The following HSPA4 variants were observed in gnomAD, a reference collection of about 807,000 sequenced individuals.
HSPA4 encodes heat shock 70 kDa protein 4.
In HSPA4, 25 loss-of-function variants were observed where a neutral mutation model predicts 106.2. The observed-to-expected ratio is 0.24, with a 90% CI of 0.17 to 0.33. The LOEUF is 0.33. Ranked by LOEUF, HSPA4 falls within the 10% of genes least tolerant of loss-of-function variation. The probability of loss-of-function intolerance (pLI) is 1.00; values close to 1 mark genes in which losing one functional copy is unlikely to be tolerated. For missense variants in HSPA4, 841 were observed against 996.0 expected (o/e 0.84, Z 2.10); for synonymous variants, 332 against 333.6 (o/e 1.00, Z 0.05).
intron 7 of HSPA4, among the ~76,000 whole-genome samples, chr5:133,083,548 A>AT (rs1025499251): frequency 1.3e-5 from 2 of 151,740 alleles, no homozygotes; most frequent in East Asian, 3.9e-4. Flanking sequence ...TATTATTATT[A>AT]TTTTTTGAGA....
At chr5:133,094,309 TAA>T (rs1037677671) in intron 13 of HSPA4, among the ~76,000 whole-genome samples, 4 of 152,220 alleles carry the variant, frequency 2.6e-5, no homozygotes, top group Non-Finnish European at 5.9e-5. Flanking sequence ...TTTCTAATTT[TAA>T]AAAGTTTCTA....
intron 7 of HSPA4, among the ~76,000 whole-genome samples, chr5:133,082,706 C>A (rs1039795254): frequency 1.3e-5 from 2 of 152,174 alleles, no homozygotes; most frequent in East Asian, 3.9e-4. Flanking sequence ...GCTCGGCCAC[C>A]CTCCTCAGAC....
chr5:133,091,580 T>G (rs984696439), intron 12 of HSPA4, among the ~76,000 whole-genome samples: 8 of 152,220 alleles, frequency 5.3e-5, no homozygotes, highest in Non-Finnish European at 7.3e-5. Context: ...ACAAGTTGAT[T>G]TCTTCTTTCA....
chr5:133,070,407 A>T lies in HSPA4; in HGVS notation c.340A>T (p.Thr114Ser). ...TYMEEERNFT[T>S]EQVTAMLLSK... ...TATGGAGGAAGAGCGAAATTTTACCACTGAGCAAGTGACTGCCATGCTTTT... is the reference window on the plus strand; with the variant it reads ...TATGGAGGAAGAGCGAAATTTTACCTCTGAGCAAGTGACTGCCATGCTTTT... The change falls in exon 4 of 19, where the codon ACT becomes TCT. Residue 114 changes from threonine (T) to serine (S), a missense_variant. Thr to Ser is a moderately conservative substitution (Grantham distance 58, BLOSUM62 1). This residue lies in a region of HSPA4 where 347 missense variants were observed against 408.7 expected (regional missense o/e 0.85). Transcript: ENST00000304858. 1 of 1,611,548 alleles carries T rather than the reference A, an allele frequency of 6.2e-7. No homozygotes were observed. The highest frequency in any genetic ancestry group is 8.5e-7 in the Non-Finnish European group (1 of 1,179,314).
Position 133,092,804 on chromosome 5 carries a change from GTGTT to G in HSPA4, c.1650+17_1650+20del. On this transcript the variant is annotated intron_variant, in intron 13 of 18. Transcript: ENST00000304858. ...AAGAAATGGAGGTATGCATTGGGTG[GTGTT>G]TTTTTTTTTTTTTTTTTTTTTTTTT... 30 of 717,680 alleles carry G rather than the reference GTGTT, an allele frequency of 4.2e-5. No homozygotes were observed. The highest frequency in any genetic ancestry group is 6.9e-5 in the East Asian group (2 of 29,056). The allele number at this position is 717,680 out of a possible 1,614,324, so 44.5% of individuals were successfully genotyped here.
intron 3 of HSPA4, among the ~76,000 whole-genome samples, chr5:133,068,317 GTC>G (rs1334867884): frequency 6.6e-6 from 1 of 152,142 alleles, no homozygotes; most frequent in African/African-American, 2.4e-5. Context: ...ATCTAGTGGA[GTC>G]TCTGTGAAGT....
intron 1 of HSPA4, chr5:133,053,034 C>T (rs999261746): frequency 6.6e-6 from 1 of 152,396 alleles, no homozygotes; most frequent in East Asian, 1.9e-4. Flanking sequence ...GGGTCACTCT[C>T]TGTTTTGTGC....
rs764891442 is a variant in HSPA4 at position 133,089,069 on chromosome 5, G to A, written c.1152G>A (p.Ser384=). 1.7e-5 allele frequency: 27 copies of A among 1,591,702 alleles called. No homozygotes were observed. The highest frequency in any genetic ancestry group is 4.5e-5 in the East Asian group (2 of 44,454). ...RGCALQCAIL[S]PAFKVREFSI... ...TATTATTCTAGTGTGCCATCTTATC[G>A]CCTGCTTTCAAAGTCAGAGAATTTT... is the stretch of plus-strand genomic sequence containing the variant. The change falls in exon 10 of 19, where the codon TCG becomes TCA. Residue 384 remains serine, a synonymous_variant. Transcript: ENST00000304858.
In HSPA4 at chr5:133,070,460, T is replaced by G. The variant is rs751732355; in HGVS notation, c.393T>G (p.Ser131Arg). 1 of 1,613,852 alleles carries G rather than the reference T, an allele frequency of 6.2e-7. No homozygotes were observed. The highest frequency in any genetic ancestry group is 8.5e-7 in the Non-Finnish European group (1 of 1,179,886). Residue 131 changes from serine (S) to arginine (R), a missense_variant, in exon 4 of 19, where the codon AGT becomes AGG. By Grantham distance (110) the Ser-to-Arg change is moderately radical (BLOSUM62 -1). Coordinates refer to ENST00000304858, the MANE Select transcript of HSPA4 (RefSeq NM_002154.4). Reference protein sequence around the residue: ...LLSKLKETAESVLKKPVVDCV... With the variant: ...LLSKLKETAERVLKKPVVDCV... ...CCAAACTGAAGGAGACAGCCGAAAG[T>G]GTTCTTAAGAAGCCTGTAGTTGACT...
In HSPA4 at chr5:133,065,046, T is replaced by C. The variant is rs1336494135; in HGVS notation, c.165+9T>C. 6 of 1,612,186 alleles carry C rather than the reference T, an allele frequency of 3.7e-6. No homozygotes were observed. In the Admixed American group the frequency reaches 1.0e-4, roughly 27 times the overall value. On this transcript the variant is annotated intron_variant, in intron 2 of 18. Coordinates refer to ENST00000304858, the MANE Select transcript of HSPA4 (RefSeq NM_002154.4). ...CAGCAGCTAAAAGCCAGGTAAAGTT[T>C]CATTTTTTTCCTAAAATGACTTATT...
rs955959765 is a variant in HSPA4 at position 133,091,469 on chromosome 5, GAC to G, written c.1560+97_1560+98del. 12 of 881,108 alleles carry G rather than the reference GAC, an allele frequency of 1.4e-5. No homozygotes were observed. In the African/African-American group the frequency reaches 1.5e-4, roughly 11 times the overall value. 54.6% of individuals were successfully genotyped at this position (881,108 alleles called of 1,614,324 possible). A position where few individuals can be genotyped will look rare whatever the true frequency, so the allele number is the denominator to read the frequency against. ...CTTGGTGGCAAGGCCGGAGCATTGT[GAC>G]AGAGCTGCTGAGTGAGAGTGGGTTT... is the stretch of plus-strand genomic sequence containing the variant. On this transcript the variant is annotated intron_variant, in intron 12 of 18. Transcript: ENST00000304858.
intron 3 of HSPA4, among the ~76,000 whole-genome samples, chr5:133,068,182 G>A (rs1390085952): frequency 6.6e-6 from 1 of 152,112 alleles, no homozygotes; most frequent in Non-Finnish European, 1.5e-5. Context: ...GTGAGCCACC[G>A]CACCTGGTAG....
chr5:133,100,646 G>A (rs899765232), intron 16 of HSPA4, among the ~76,000 whole-genome samples: 42 of 152,172 alleles, frequency 2.8e-4, no homozygotes, highest in African/African-American at 9.9e-4. Flanking sequence ...TTAGCCGAGC[G>A]TGGTGGCGGG....
chr5:133,075,829 CAA>C (rs375283499), intron 6 of HSPA4, among the ~76,000 whole-genome samples: 1 of 148,020 alleles, frequency 6.8e-6, no homozygotes, highest in Non-Finnish European at 1.5e-5. Context: ...GACCCTGTCT[CAA>C]AAAAAAGAAA....
intron 7 of HSPA4, among the ~76,000 whole-genome samples, chr5:133,081,133 C>T (rs1393555721): frequency 1.3e-5 from 2 of 152,080 alleles, no homozygotes; most frequent in Non-Finnish European, 2.9e-5. Context: ...CTTCAACCTC[C>T]ACCTCCCGGG....
intron 1 of HSPA4, among the ~76,000 whole-genome samples, chr5:133,060,496 G>C (rs1765227368): frequency 6.6e-6 from 1 of 152,058 alleles, no homozygotes; most frequent in African/African-American, 2.4e-5. Context: ...CTGAGTAGCT[G>C]GGATTACAGG....
chr5:133,063,289 A>T (rs1041599459), intron 1 of HSPA4, among the ~76,000 whole-genome samples: 6 of 146,900 alleles, frequency 4.1e-5, no homozygotes, highest in African/African-American at 1.5e-4. Flanking sequence ...ATTTTTTTGT[A>T]TTTTTTTTTT....
chr5:133,067,963 G>A (rs1004947518), intron 3 of HSPA4, among the ~76,000 whole-genome samples: 2 of 151,330 alleles, frequency 1.3e-5, no homozygotes, highest in African/African-American at 4.9e-5. Flanking sequence ...TGTGATCTTG[G>A]CTCACTGCCA....
intron 1 of HSPA4, among the ~76,000 whole-genome samples, chr5:133,054,086 C>A (rs955159152): frequency 6.6e-6 from 1 of 152,080 alleles, no homozygotes; most frequent in Non-Finnish European, 1.5e-5. Flanking sequence ...AATTTCCGCA[C>A]CCCCCACCTC....
Sources: allele counts gnomAD v4.1 joint callset (sites outside exome capture counted in the v4.1 genomes callset), GRCh38; gene constraint gnomAD v4.1.1; regional missense constraint gnomAD v4.1.1; transcripts MANE v1.5; gene names NCBI Gene and HGNC (gene_info 2026-07-23, HGNC 2026-07-21).